TULP4: variants seen among roughly 807,000 people sequenced by gnomAD.
TULP4 encodes TUB like protein 4.
In TULP4, 16 loss-of-function variants were observed where a neutral mutation model predicts 129.0. That is an observed-to-expected ratio of 0.12 (90% CI 0.08 to 0.19). The LOEUF (loss-of-function observed/expected upper bound fraction) is 0.19. Among genes scored for constraint, TULP4 ranks in the 10% least tolerant of loss-of-function variants. The pLI is 1.00. For missense variants in TULP4, 1,842 were observed against 2,059.1 expected, an observed-to-expected ratio of 0.89 and a Z score of 2.04; for synonymous variants, 998 against 854.0, an observed-to-expected ratio of 1.17 and a Z score of -2.94.
intron 1 of TULP4, among the ~76,000 whole-genome samples, chr6:158,331,267 C>G (rs1478952020): frequency 2.0e-5 from 3 of 152,148 alleles, no homozygotes; most frequent in Non-Finnish European, 4.4e-5. Context: ...ACTACTCCCT[C>G]CATGAGTACT....
chr6:158,249,089 CAAAAAAAAA>C lies in TULP4; in HGVS notation n.68+16794_68+16802del, dbSNP rs3884262. 3.8e-5 allele frequency among the ~76,000 whole-genome samples: 4 copies of C among 106,542 alleles called. 1 individual carries two copies. Among genetic ancestry groups the C allele is most frequent in the Non-Finnish European group, 3.8e-5 (2 of 52,756 alleles). 69.9% of individuals were successfully genotyped at this position (106,542 alleles called of 152,430 possible). On this transcript the variant is annotated intron_variant and non_coding_transcript_variant, in intron 1 of 1. Coordinates refer to the TULP4 transcript ENST00000620026. ...TGGGTGACAGAGTGAGACCCTGTCT[CAAAAAAAAA>C]AAAAAAAGAAAAAAGAGGTTGGGTC...
At position 158,429,771 on chromosome 6, in the gene TULP4, A is replaced by G; in HGVS notation, c.417A>G (p.Gln139=). 6.2e-7 allele frequency: 1 copy of G among 1,613,538 alleles called. No individual in the cohort carries two copies. Among genetic ancestry groups the G allele is most frequent in the African/African-American group, 1.3e-5 (1 of 75,008 alleles). ...TCACGTGGAGCCATGATGGAACTCA[A>G]GCACTTATTTCCTATCGAGATGGGT... ...SDFTWSHDGT[Q]ALISYRDGFV... The change falls in exon 3 of 14, where the codon CAA becomes CAG. Residue 139 remains glutamine (Q), a synonymous_variant. Transcript: ENST00000367097.
At chr6:158,252,547 T>C (rs1243784221) in intron 1 of TULP4, among the ~76,000 whole-genome samples, 1 of 152,036 alleles carries the variant, frequency 6.6e-6, no homozygotes, top group African/African-American at 2.4e-5. Flanking sequence ...AGCTACTTTT[T>C]GTATTTTCGG....
At chr6:158,497,673 A>T (rs948811873) in intron 11 of TULP4, among the ~76,000 whole-genome samples, 1 of 152,256 alleles carries the variant, frequency 6.6e-6, no homozygotes, top group East Asian at 1.9e-4. Context: ...ACCAAAATTC[A>T]TATTATCTTT....
At position 158,283,152 on chromosome 6, in the gene TULP4, CA is replaced by C. The variant is rs1211803615; in HGVS notation, n.116+783del. On this transcript the variant is annotated intron_variant and non_coding_transcript_variant, in intron 1 of 1. Transcript: ENST00000432358. ...AGACTCCGTCTCAAAAAAAAAAAAA[CA>C]AAAAAAAACCCTATAAAGACGTTCA... 9.3e-3 allele frequency among the ~76,000 whole-genome samples: 1,337 copies of C among 143,032 alleles called. 18 individuals carry two copies. The highest frequency in any genetic ancestry group is 0.033 in the African/African-American group (1,284 of 39,034). 93.8% of individuals were successfully genotyped at this position (143,032 alleles called of 152,430 possible).
intron 10 of TULP4, among the ~76,000 whole-genome samples, chr6:158,494,130 A>G (rs1780275040): frequency 6.6e-6 from 1 of 152,062 alleles, no homozygotes; most frequent in Non-Finnish European, 1.5e-5. Flanking sequence ...TTCCAGATGG[A>G]ACTCCACCAC....
chr6:158,438,630 G>T (rs2115089638), intron 3 of TULP4, among the ~76,000 whole-genome samples: 1 of 152,240 alleles, frequency 6.6e-6, no homozygotes, highest in East Asian at 1.9e-4. Flanking sequence ...TGTTGCCCAG[G>T]CTAGAGTGCA....
chr6:158,501,669 T>C lies in TULP4; in HGVS notation c.2015-9T>C, dbSNP rs774717670. On this transcript the variant is annotated splice_polypyrimidine_tract_variant and intron_variant, in intron 12 of 13. Transcript: ENST00000367097. Reference sequence around the variant, plus strand: ...TTGTAAGCAGTTCCTTTTTCTAATTTTCTTCCAGTGACAGGAGCATCTGGT... The same window carrying C: ...TTGTAAGCAGTTCCTTTTTCTAATTCTCTTCCAGTGACAGGAGCATCTGGT... The C allele has an allele frequency of 1.9e-6, 3 of 1,600,532 alleles. No individual in the cohort carries two copies. The highest frequency in any genetic ancestry group is 2.6e-6 in the Non-Finnish European group (3 of 1,169,814).
intron 8 of TULP4, among the ~76,000 whole-genome samples, chr6:158,483,711 C>A (rs1489655797): frequency 6.6e-6 from 1 of 152,024 alleles, no homozygotes; most frequent in Non-Finnish European, 1.5e-5. Flanking sequence ...ATGCAAATCA[C>A]CTGGGATGCT....
At chr6:158,265,042 C>T (rs541148428) in intron 1 of TULP4, among the ~76,000 whole-genome samples, 1 of 152,330 alleles carries the variant, frequency 6.6e-6, no homozygotes, top group East Asian at 1.9e-4. Context: ...ACAGGGCACA[C>T]CTTTTAGCTC....
At chr6:158,373,859 G>A (rs1052775934) in intron 1 of TULP4, among the ~76,000 whole-genome samples, 1 of 152,136 alleles carries the variant, frequency 6.6e-6, no homozygotes, top group Non-Finnish European at 1.5e-5. Flanking sequence ...GGACAAACTG[G>A]GTCCTTGAAA....
chr6:158,242,877 C>T (rs1165515715), intron 1 of TULP4: 8 of 194,926 alleles, frequency 4.1e-5, no homozygotes, highest in African/African-American at 9.5e-5. Context: ...CTTCGCCTCC[C>T]GGGTTCAAGT....
chr6:158,308,225 A>G (rs12206817), upstream of TULP4, among the ~76,000 whole-genome samples: 9,483 of 103,894 alleles, frequency 0.091, 530 homozygotes, highest in East Asian at 0.32. Flanking sequence ...GCTGCCTTCA[A>G]GCATCTGTTT....
At chr6:158,279,656 A>ACT (rs1455814234), upstream of TULP4, among the ~76,000 whole-genome samples, 1 of 151,456 alleles carries the variant, frequency 6.6e-6, no homozygotes, top group African/African-American at 2.4e-5. Flanking sequence ...GAAAATGGAG[A>ACT]CTCTCTCTCT....
intron 2 of TULP4, among the ~76,000 whole-genome samples, chr6:158,418,601 A>G (rs341150): frequency 0.28 from 41,882 of 151,882 alleles, 6,417 homozygotes; most frequent in Middle Eastern, 0.35. Flanking sequence ...ACCTCATCTC[A>G]ACAAAAATAG....
intron 8 of TULP4, among the ~76,000 whole-genome samples, chr6:158,488,079 A>G (rs1002698746): frequency 3.9e-5 from 6 of 152,324 alleles, no homozygotes; most frequent in Non-Finnish European, 8.8e-5. Flanking sequence ...AAGCCTGGGC[A>G]ACATAGTGAG....
At chr6:158,456,869 A>G (rs1333906662) in intron 5 of TULP4, among the ~76,000 whole-genome samples, 1 of 151,830 alleles carries the variant, frequency 6.6e-6, no homozygotes, top group Admixed American at 6.6e-5. Flanking sequence ...GTACCAAAAC[A>G]CCATACTTGG....
At chr6:158,265,878 C>T (rs901778643) in intron 1 of TULP4, among the ~76,000 whole-genome samples, 1 of 152,178 alleles carries the variant, frequency 6.6e-6, no homozygotes, top group African/African-American at 2.4e-5. Flanking sequence ...TTGTATTTCA[C>T]TCCAAATTCA....
intron 8 of TULP4, among the ~76,000 whole-genome samples, chr6:158,488,803 G>C (rs1158902242): frequency 6.6e-6 from 1 of 151,440 alleles, no homozygotes; most frequent in African/African-American, 2.4e-5. Flanking sequence ...GTGGAGGGGG[G>C]TGTGTGGGGG....
Sources: allele counts gnomAD v4.1 joint callset (sites outside exome capture counted in the v4.1 genomes callset), GRCh38; gene constraint gnomAD v4.1.1; transcripts MANE v1.5; gene names NCBI Gene and HGNC (gene_info 2026-07-23, HGNC 2026-07-21).